The following BICD2 variants were observed in gnomAD, a reference collection of about 807,000 sequenced individuals.
BICD2 encodes the protein protein bicaudal D homolog 2.
BICD2 carries 25 observed loss-of-function variants against 72.9 expected under a neutral mutation model. That is an observed-to-expected ratio of 0.34 (90% CI 0.25 to 0.48). BICD2 has a LOEUF of 0.48. Ranked by LOEUF, BICD2 falls within the 20% of genes least tolerant of loss-of-function variation. BICD2 has a pLI of 0.99. For missense variants in BICD2, 894 were observed against 1,175.2 expected, an observed-to-expected ratio of 0.76 and a Z score of 3.50; for synonymous variants, 501 against 516.1, an observed-to-expected ratio of 0.97 and a Z score of 0.40.
intron 3 of BICD2, 23 bp downstream of exon 3, chr9:92,722,633 C>T (rs376877266): frequency 6.2e-7 from 1 of 1,613,776 alleles, no homozygotes; most frequent in South Asian, 1.1e-5. Flanking sequence ...GTGCCACCTC[C>T]ACCCCACAGG....
intron 1 of BICD2, among the ~76,000 whole-genome samples, chr9:92,751,962 G>A (rs900268907): frequency 3.9e-5 from 6 of 151,936 alleles, no homozygotes; most frequent in East Asian, 1.9e-4. Context: ...CCACCACCAC[G>A]AACAGCTAAT....
chr9:92,715,799 C>T (rs1057143780), intron 6 of BICD2, among the ~76,000 whole-genome samples: 4 of 152,216 alleles, frequency 2.6e-5, no homozygotes, highest in African/African-American at 2.4e-5. Flanking sequence ...TGCCCCTCAG[C>T]GACTGGGCTT....
At chr9:92,759,656 A>G (rs1400646055) in intron 1 of BICD2, among the ~76,000 whole-genome samples, 1 of 152,238 alleles carries the variant, frequency 6.6e-6, no homozygotes, top group Non-Finnish European at 1.5e-5. Context: ...CACTCTGAAC[A>G]CTGGACAACA....
intron 2 of BICD2, among the ~76,000 whole-genome samples, chr9:92,724,459 T>C (rs1233744729): frequency 6.6e-6 from 1 of 152,182 alleles, no homozygotes; most frequent in African/African-American, 2.4e-5. Flanking sequence ...GAAGATTACA[T>C]TTAAAACCTA....
intron 2 of BICD2, among the ~76,000 whole-genome samples, chr9:92,728,676 G>A (rs929138474): frequency 6.6e-6 from 1 of 152,214 alleles, no homozygotes; most frequent in South Asian, 2.1e-4. Context: ...GTCCAATGAC[G>A]AGGAGTGCCC....
rs1294635543 is a variant in BICD2 at position 92,712,848 on chromosome 9, T to C, written c.*2306A>G. The C allele has an allele frequency of 6.6e-6, 1 of 152,402 alleles. No individual in the cohort carries two copies. Among genetic ancestry groups the C allele is most frequent in the Non-Finnish European group, 1.5e-5 (1 of 68,042 alleles). 9.4% of individuals were successfully genotyped at this position (152,402 alleles called of 1,614,324 possible). A position where few individuals can be genotyped will look rare whatever the true frequency, so the allele number is the denominator to read the frequency against. ...CATTTAAAATCTGTAATTTCAAACATGAACCACAATGCCGTATGATCTAAA... is the reference window on the plus strand; with the variant it reads ...CATTTAAAATCTGTAATTTCAAACACGAACCACAATGCCGTATGATCTAAA... On this transcript the variant is annotated 3_prime_UTR_variant, in exon 7 of 7. Coordinates refer to ENST00000356884, the MANE Select transcript of BICD2 (RefSeq NM_001003800.2).
In BICD2 at chr9:92,750,762, T is replaced by C. The variant is rs1168515606; in HGVS notation, c.240+13743A>G. Among the ~76,000 whole-genome samples the C allele has an allele frequency of 2.0e-5, 3 of 152,174 alleles. No homozygotes were observed. The East Asian group carries it at 5.8e-4, about 29-fold the overall frequency. ...CAAAAAGTGAACCTTAATATTAGTA[T>C]GTGAATTGTTTTAAAAATTCATTTG... On this transcript the variant is annotated intron_variant, in intron 1 of 6. Coordinates refer to ENST00000356884, the MANE Select transcript of BICD2 (RefSeq NM_001003800.2).
chr9:92,731,095 A>G (rs1014986642), intron 1 of BICD2, among the ~76,000 whole-genome samples: 14 of 152,134 alleles, frequency 9.2e-5, no homozygotes, highest in Non-Finnish European at 1.9e-4. Flanking sequence ...GCCAGGCCCC[A>G]AGTCCCTCAT....
At chr9:92,756,325 G>C (rs375629459) in intron 1 of BICD2, among the ~76,000 whole-genome samples, 1 of 151,292 alleles carries the variant, frequency 6.6e-6, no homozygotes, top group Non-Finnish European at 1.5e-5. Flanking sequence ...GCAGTGGCAC[G>C]ATCTCGGCTC....
chr9:92,732,356 G>T (rs961159700), intron 1 of BICD2, among the ~76,000 whole-genome samples: 3 of 152,242 alleles, frequency 2.0e-5, no homozygotes, highest in Non-Finnish European at 4.4e-5. Flanking sequence ...CTTATGTAAG[G>T]AGTAATTGGA....
At chr9:92,761,420 G>A (rs1244534405) in intron 1 of BICD2, among the ~76,000 whole-genome samples, 1 of 152,198 alleles carries the variant, frequency 6.6e-6, no homozygotes, top group East Asian at 1.9e-4. Context: ...TCTCAGACAA[G>A]GACAATGGTG....
chr9:92,718,470 G>A (rs1853371181), intron 5 of BICD2, 69 bp downstream of exon 5: 1 of 1,527,928 alleles, frequency 6.5e-7, no homozygotes, highest in East Asian at 2.3e-5. Context: ...GGGGGAGGAA[G>A]GAGGCCAAGG....
intron 1 of BICD2, among the ~76,000 whole-genome samples, chr9:92,749,373 G>C (rs1000714007): frequency 1.3e-5 from 2 of 152,210 alleles, no homozygotes; most frequent in African/African-American, 4.8e-5. Flanking sequence ...CTTTGGAACT[G>C]CATTTCCCCA....
intron 1 of BICD2, among the ~76,000 whole-genome samples, chr9:92,763,132 C>T (rs1033616453): frequency 2.0e-5 from 3 of 152,188 alleles, no homozygotes; most frequent in Non-Finnish European, 2.9e-5. Context: ...GGACCCAGCT[C>T]CTGCTGGCCC....
intron 2 of BICD2, 108 bp from the exon 3 acceptor site, chr9:92,722,916 C>A: frequency 7.2e-7 from 1 of 1,398,494 alleles, no homozygotes; most frequent in Non-Finnish European, 9.8e-7. Context: ...AACTCAAGAG[C>A]CCTGGCCTGC....
intron 1 of BICD2, among the ~76,000 whole-genome samples, chr9:92,746,532 C>CAA (rs60146380): frequency 8.9e-5 from 9 of 101,694 alleles, no homozygotes; most frequent in African/African-American, 1.6e-4. Flanking sequence ...ACTCCGTCTC[C>CAA]AAAAAAAAAA....
chr9:92,750,147 A>G lies in BICD2; in HGVS notation c.240+14358T>C, dbSNP rs141388942. On this transcript the variant is annotated intron_variant, in intron 1 of 6. Coordinates refer to ENST00000356884, the MANE Select transcript of BICD2 (RefSeq NM_001003800.2). ...CGCAATCCCCAGAGTTCTTCCCACC[A>G]CAGGATGAACTATGAGGGTGGAGCC... 7.9e-3 allele frequency among the ~76,000 whole-genome samples: 1,196 copies of G among 152,320 alleles called. 15 individuals carry two copies. Among genetic ancestry groups the G allele is most frequent in the African/African-American group, 0.027 (1,120 of 41,562 alleles).
intron 1 of BICD2, among the ~76,000 whole-genome samples, chr9:92,742,407 T>TG: frequency 6.6e-6 from 1 of 150,880 alleles, no homozygotes. Context: ...TTTTTTGAGA[T>TG]GGAGTCTCGC....
chr9:92,746,000 G>A (rs1300072190), intron 1 of BICD2, among the ~76,000 whole-genome samples: 3 of 152,190 alleles, frequency 2.0e-5, no homozygotes, highest in African/African-American at 4.8e-5. Flanking sequence ...AGAAAGCTTG[G>A]ACTCAATGTG....
Sources: allele counts gnomAD v4.1 joint callset (sites outside exome capture counted in the v4.1 genomes callset), GRCh38; gene constraint gnomAD v4.1.1; transcripts MANE v1.5; gene names NCBI Gene and HGNC (gene_info 2026-07-23, HGNC 2026-07-21).